LHFPL3: variants seen among roughly 807,000 people sequenced by gnomAD.
LHFPL3 encodes LHFPL tetraspan subfamily member 3 protein.
A neutral mutation model predicts 19.3 loss-of-function variants in LHFPL3; 5 were observed. The observed-to-expected ratio is 0.26, with a 90% CI of 0.14 to 0.54. LHFPL3 has a LOEUF of 0.54. Among genes scored for constraint, LHFPL3 ranks in the 20% least tolerant of loss-of-function variants. LHFPL3 has a pLI of 0.94. For synonymous variants in LHFPL3, 133 were observed against 126.2 expected (o/e 1.05, Z -0.36); for missense variants, 249 against 307.4 (o/e 0.81, Z 1.42).
At chr7:104,591,068 A>T (rs974223004) in intron 1 of LHFPL3, among the ~76,000 whole-genome samples, 1 of 152,028 alleles carries the variant, frequency 6.6e-6, no homozygotes, top group African/African-American at 2.4e-5. Context: ...TCTTTATCCA[A>T]TTTGCCAGTC....
chr7:104,452,849 G>A (rs1362119824), intron 1 of LHFPL3, among the ~76,000 whole-genome samples: 1 of 152,142 alleles, frequency 6.6e-6, no homozygotes, highest in African/African-American at 2.4e-5. Context: ...CAACTTAAAA[G>A]TCCATCAATA....
At chr7:104,481,677 T>C (rs536320140) in intron 1 of LHFPL3, among the ~76,000 whole-genome samples, 3 of 152,224 alleles carry the variant, frequency 2.0e-5, no homozygotes, top group Non-Finnish European at 1.5e-5. Flanking sequence ...ATTTGGTTGA[T>C]GAATAAAGGT....
chr7:104,777,893 TTAAG>T (rs1439021361), intron 2 of LHFPL3, among the ~76,000 whole-genome samples: 1 of 152,182 alleles, frequency 6.6e-6, no homozygotes, highest in East Asian at 1.9e-4. Context: ...CTCTTGTAAC[TTAAG>T]TAAGTCATTT....
At chr7:104,707,343 C>T (rs1793210874) in intron 1 of LHFPL3, among the ~76,000 whole-genome samples, 2 of 152,158 alleles carry the variant, frequency 1.3e-5, no homozygotes, top group Admixed American at 1.3e-4. Context: ...AAACAAACAC[C>T]ATCATTACCC....
chr7:104,783,529 C>T (rs1348360999), intron 2 of LHFPL3, among the ~76,000 whole-genome samples: 1 of 152,096 alleles, frequency 6.6e-6, no homozygotes, highest in Non-Finnish European at 1.5e-5. Context: ...CTGCAAACGC[C>T]AAAAACAAGA....
chr7:104,589,777 C>T (rs562179010), intron 1 of LHFPL3, among the ~76,000 whole-genome samples: 2 of 152,226 alleles, frequency 1.3e-5, no homozygotes, highest in South Asian at 4.2e-4. Context: ...TTAATTATTG[C>T]CTCAATTTCA....
chr7:104,669,333 T>A, intron 1 of LHFPL3: 31 of 1,613,672 alleles, frequency 1.9e-5, no homozygotes, highest in Non-Finnish European at 2.5e-5. Flanking sequence ...ATAAAGTAGA[T>A]GGGATGAATG....
At chr7:104,354,304 C>G (rs183157296) in intron 1 of LHFPL3, among the ~76,000 whole-genome samples, 1 of 152,368 alleles carries the variant, frequency 6.6e-6, no homozygotes, top group East Asian at 1.9e-4. Flanking sequence ...AACAGATGCC[C>G]AGATTGCCCC....
intron 1 of LHFPL3, among the ~76,000 whole-genome samples, chr7:104,341,557 C>T (rs925919571): frequency 6.6e-6 from 1 of 152,190 alleles, no homozygotes; most frequent in Non-Finnish European, 1.5e-5. Flanking sequence ...TTTGACCACA[C>T]TGTTTTTGGA....
intron 1 of LHFPL3, among the ~76,000 whole-genome samples, chr7:104,365,787 C>CAAAAAAAAAAAAAAAA: frequency 4.0e-5 from 2 of 49,970 alleles, no homozygotes; most frequent in East Asian, 1.3e-3. Context: ...GACTCCGTCT[C>CAAAAAAAAAAAAAAAA]AAAAAAAAAA....
intron 2 of LHFPL3, among the ~76,000 whole-genome samples, chr7:104,836,197 A>AGAT (rs1791092429): frequency 6.6e-6 from 1 of 152,214 alleles, no homozygotes; most frequent in Admixed American, 6.5e-5. Context: ...GAAGGAGCCC[A>AGAT]GATTGACTGG....
At chr7:104,524,406 T>C (rs969708536) in intron 1 of LHFPL3, among the ~76,000 whole-genome samples, 3 of 152,130 alleles carry the variant, frequency 2.0e-5, no homozygotes, top group African/African-American at 7.2e-5. Context: ...GGAAGCCACT[T>C]TGCTTCCTAA....
chr7:104,659,507 ATATAT>A (rs1792183323), intron 1 of LHFPL3, among the ~76,000 whole-genome samples: 1 of 152,184 alleles, frequency 6.6e-6, no homozygotes, highest in African/African-American at 2.4e-5. Context: ...GTACTCCATA[ATATAT>A]GGTATAGCCA....
intron 1 of LHFPL3, among the ~76,000 whole-genome samples, chr7:104,331,244 T>A (rs956170722): frequency 6.6e-6 from 1 of 152,242 alleles, no homozygotes; most frequent in African/African-American, 2.4e-5. Context: ...TGAAATATAA[T>A]GTTGTTCTCA....
At chr7:104,423,375 G>A (rs186417427) in intron 1 of LHFPL3, among the ~76,000 whole-genome samples, 1 of 152,224 alleles carries the variant, frequency 6.6e-6, no homozygotes, top group East Asian at 1.9e-4. Context: ...CACTATGGAA[G>A]GCCAAAGTGG....
chr7:104,788,964 A>T (rs533022574), intron 2 of LHFPL3, among the ~76,000 whole-genome samples: 1 of 152,344 alleles, frequency 6.6e-6, no homozygotes, highest in African/African-American at 2.4e-5. Context: ...AGTCCAACAC[A>T]GCAAGCCTAT....
chr7:104,711,435 G>A (rs901806911), intron 1 of LHFPL3, among the ~76,000 whole-genome samples: 2 of 152,182 alleles, frequency 1.3e-5, no homozygotes, highest in Non-Finnish European at 2.9e-5. Context: ...ATGGTCAGTA[G>A]CCCAAATGAT....
At chr7:104,355,527 G>A (rs1040490845) in intron 1 of LHFPL3, among the ~76,000 whole-genome samples, 1 of 152,162 alleles carries the variant, frequency 6.6e-6, no homozygotes, top group Admixed American at 6.5e-5. Context: ...ACAATTGCTT[G>A]TTGTCTGTTT....
chr7:104,379,540 T>C (rs901220363), intron 1 of LHFPL3, among the ~76,000 whole-genome samples: 23 of 152,162 alleles, frequency 1.5e-4, no homozygotes, highest in Non-Finnish European at 1.5e-4. Context: ...TAACAAATAT[T>C]GGACAAGTCA....
Sources: gnomAD v4.1 joint callset for allele counts (sites outside exome capture counted in the v4.1 genomes callset) on GRCh38, gnomAD v4.1.1 for gene constraint, MANE v1.5 for transcripts, NCBI Gene and HGNC (gene_info 2026-07-23, HGNC 2026-07-21) for gene names.